The following RBKS variants were observed in gnomAD, a reference collection of about 807,000 sequenced individuals.
The protein encoded by RBKS is ribokinase.
RBKS carries 33 observed loss-of-function variants against 33.9 expected under a neutral mutation model. The observed-to-expected ratio is 0.97, with a 90% confidence interval of 0.74 to 1.30. The LOEUF (loss-of-function observed/expected upper bound fraction) is 1.30. RBKS is among the 50% of genes most tolerant of loss of function. The pLI is 0.00. For synonymous variants in RBKS, 125 were observed against 143.0 expected, an observed-to-expected ratio of 0.87 and a Z score of 0.90; for missense variants, 361 against 392.6, an observed-to-expected ratio of 0.92 and a Z score of 0.68.
intron 1 of RBKS, among the ~76,000 whole-genome samples, chr2:27,863,731 TA>T (rs1158797023): frequency 6.6e-6 from 1 of 152,262 alleles, no homozygotes; most frequent in African/African-American, 2.4e-5. Flanking sequence ...CAGGAGATTG[TA>T]CTATTAATTA....
chr2:27,831,409 A>C (rs1678411184), intron 6 of RBKS, among the ~76,000 whole-genome samples: 1 of 152,202 alleles, frequency 6.6e-6, no homozygotes, highest in Admixed American at 6.5e-5. Flanking sequence ...AGGAAAATTT[A>C]GGCCAGTTTG....
chr2:27,808,290 A>G (rs1321771278), intron 7 of RBKS, among the ~76,000 whole-genome samples: 1 of 152,246 alleles, frequency 6.6e-6, no homozygotes, highest in African/African-American at 2.4e-5. Context: ...CTATAAAACA[A>G]GAAAAACTCT....
chr2:27,789,949 G>GTGTATATATATA (rs1553374159), intron 7 of RBKS, among the ~76,000 whole-genome samples: 9 of 121,512 alleles, frequency 7.4e-5, no homozygotes, highest in African/African-American at 2.6e-4. Flanking sequence ...ATGTATATGT[G>GTGTATATATATA]TATATATATA....
chr2:27,818,085 T>C (rs1267279051), intron 7 of RBKS, among the ~76,000 whole-genome samples: 1 of 152,112 alleles, frequency 6.6e-6, no homozygotes, highest in Non-Finnish European at 1.5e-5. Flanking sequence ...AGAATATCCA[T>C]TCTGCTTAAT....
At chr2:27,799,396 C>T (rs1677730142) in intron 7 of RBKS, among the ~76,000 whole-genome samples, 1 of 152,192 alleles carries the variant, frequency 6.6e-6, no homozygotes, top group Admixed American at 6.5e-5. Flanking sequence ...GGGACCCTAA[C>T]AGTTACAGCG....
At chr2:27,804,410 T>C (rs576788408) in intron 7 of RBKS, among the ~76,000 whole-genome samples, 7 of 152,204 alleles carry the variant, frequency 4.6e-5, no homozygotes, top group South Asian at 2.1e-4. Flanking sequence ...GAACCACTTA[T>C]CTGCTTTGTC....
intron 5 of RBKS, among the ~76,000 whole-genome samples, chr2:27,840,080 C>A (rs886364425): frequency 1.4e-5 from 2 of 145,590 alleles, no homozygotes; most frequent in Non-Finnish European, 3.0e-5. Context: ...AGTGGAGTGG[C>A]GCGATCTCAG....
intron 1 of RBKS, among the ~76,000 whole-genome samples, chr2:27,861,947 ATT>A (rs763090773): frequency 2.2e-4 from 25 of 113,698 alleles, no homozygotes; most frequent in Non-Finnish European, 2.5e-4. Context: ...GCCTGGCCTG[ATT>A]TTTTTTTTTT....
intron 1 of RBKS, among the ~76,000 whole-genome samples, chr2:27,879,817 C>G (rs1311617608): frequency 6.6e-6 from 1 of 152,118 alleles, no homozygotes; most frequent in Non-Finnish European, 1.5e-5. Flanking sequence ...AACAGACCAA[C>G]AATGAGCTCC....
chr2:27,794,347 T>TAAA (rs1558534301), intron 7 of RBKS, among the ~76,000 whole-genome samples: 2 of 143,110 alleles, frequency 1.4e-5, no homozygotes, highest in Admixed American at 7.0e-5. Context: ...ATAATAATAA[T>TAAA]AAAGAAATTT....
chr2:27,798,611 G>A (rs139172517), intron 7 of RBKS, among the ~76,000 whole-genome samples: 4 of 152,096 alleles, frequency 2.6e-5, no homozygotes, highest in African/African-American at 4.8e-5. Context: ...CCCTGCCTCC[G>A]GTCTGGACCC....
chr2:27,825,221 A>G (rs1678287848), intron 7 of RBKS, among the ~76,000 whole-genome samples: 1 of 152,092 alleles, frequency 6.6e-6, no homozygotes, highest in Non-Finnish European at 1.5e-5. Flanking sequence ...ATGTCCCCCC[A>G]TGTGCAAATG....
At chr2:27,782,866 T>G (rs1168494368) in intron 7 of RBKS, among the ~76,000 whole-genome samples, 1 of 152,188 alleles carries the variant, frequency 6.6e-6, no homozygotes, top group Non-Finnish European at 1.5e-5. Flanking sequence ...TCTATCTCCT[T>G]AAGGGTGGGG....
At chr2:27,813,468 CGGTTTCTAAACACAAAAACA>C (rs1196640289) in intron 7 of RBKS, among the ~76,000 whole-genome samples, 3 of 152,014 alleles carry the variant, frequency 2.0e-5, no homozygotes, top group Non-Finnish European at 4.4e-5. Flanking sequence ...ATGAAAAATA[CGGTTTCTAAACACAAAAACA>C]GGTTTCTAAA....
intron 7 of RBKS, among the ~76,000 whole-genome samples, chr2:27,801,966 ATATATATATAT>A (rs1558536490): frequency 1.8e-5 from 1 of 54,826 alleles, no homozygotes; most frequent in African/African-American, 8.8e-5. Flanking sequence ...AAAAAAAAAT[ATATATATATAT>A]ATATATATAT....
intron 3 of RBKS, 47 bp from the exon 4 acceptor site, chr2:27,847,151 G>A (rs1276951516): frequency 9.0e-7 from 1 of 1,106,858 alleles, no homozygotes; most frequent in African/African-American, 1.5e-5. Flanking sequence ...AGGCTGGCAT[G>A]GATAATTTAT....
intron 1 of RBKS, among the ~76,000 whole-genome samples, chr2:27,868,453 A>G (rs898168593): frequency 6.6e-6 from 1 of 152,216 alleles, no homozygotes; most frequent in Non-Finnish European, 1.5e-5. Flanking sequence ...TTCTGACTCC[A>G]TTGCTATAGT....
chr2:27,880,646 A>G (rs1044164480), intron 1 of RBKS, among the ~76,000 whole-genome samples: 2 of 152,206 alleles, frequency 1.3e-5, no homozygotes, highest in Non-Finnish European at 2.9e-5. Context: ...CTAATTAAGA[A>G]CATAATCCCA....
intron 1 of RBKS, among the ~76,000 whole-genome samples, chr2:27,879,610 G>A (rs1664381085): frequency 1.3e-5 from 2 of 152,042 alleles, no homozygotes; most frequent in Non-Finnish European, 2.9e-5. Flanking sequence ...AGAACCACGA[G>A]CCAACACATT....
Sources: allele counts gnomAD v4.1 joint callset (sites outside exome capture counted in the v4.1 genomes callset), GRCh38; gene constraint gnomAD v4.1.1; transcripts MANE v1.5; gene names NCBI Gene and HGNC (gene_info 2026-07-23, HGNC 2026-07-21).